The following FAT3 variants were observed in gnomAD, a reference collection of about 807,000 sequenced individuals.
FAT3 encodes FAT atypical cadherin 3, also known as protocadherin Fat 3.
FAT3 carries 95 observed loss-of-function variants against 310.2 expected under a neutral mutation model. The observed-to-expected ratio is 0.31, with a 90% confidence interval of 0.26 to 0.36. The LOEUF is 0.36. Ranked by LOEUF, FAT3 falls within the 10% of genes least tolerant of loss-of-function variation. FAT3 has a pLI of 1.00. For synonymous variants in FAT3, 2,314 were observed against 2,192.9 expected, an observed-to-expected ratio of 1.06 and a Z score of -1.54; for missense variants, 5,408 against 5,715.6, an observed-to-expected ratio of 0.95 and a Z score of 1.74.
At chr11:92,499,511 T>A (rs1302899440) in intron 2 of FAT3, among the ~76,000 whole-genome samples, 1 of 152,056 alleles carries the variant, frequency 6.6e-6, no homozygotes, top group African/African-American at 2.4e-5. Flanking sequence ...AGAACTACTT[T>A]GTAGGTGTTT....
Position 92,355,236 on chromosome 11 carries a change from T to C in FAT3, c.3124T>C (p.Tyr1042His). 6.2e-7 allele frequency: 1 copy of C among 1,613,818 alleles called. No homozygotes were observed. The highest frequency in any genetic ancestry group is 1.3e-5 in the African/African-American group (1 of 75,034). Residue 1042 changes from tyrosine to histidine, a missense_variant, in exon 2 of 28, where the codon TAT becomes CAT. Tyr to His is a moderately conservative substitution (Grantham distance 83). Coordinates refer to ENST00000525166, the MANE Select transcript of FAT3 (RefSeq NM_001367949.2). Reference protein sequence around the residue: ...VDVNENLHTPYFPDFAVVGSV... With the variant: ...VDVNENLHTPHFPDFAVVGSV... ...TGTCAATGAAAACCTCCACACTCCC[T>C]ATTTCCCAGACTTTGCTGTTGTTGG...
intron 1 of FAT3, among the ~76,000 whole-genome samples, chr11:92,316,943 A>G (rs1947479409): frequency 1.3e-5 from 2 of 152,192 alleles, no homozygotes; most frequent in African/African-American, 4.8e-5. Context: ...GGAATAACCA[A>G]TCATGGAACA....
chr11:92,745,676 C>T (rs950076769), intron 4 of FAT3, among the ~76,000 whole-genome samples: 5 of 151,260 alleles, frequency 3.3e-5, no homozygotes, highest in Admixed American at 2.6e-4. Flanking sequence ...GCTGTAATAT[C>T]AGCAGCTGCT....
At chr11:92,496,308 T>G (rs1952761386) in intron 2 of FAT3, among the ~76,000 whole-genome samples, 2 of 152,054 alleles carry the variant, frequency 1.3e-5, no homozygotes, top group Non-Finnish European at 2.9e-5. Flanking sequence ...TACAATATAG[T>G]GTCATAAACC....
intron 1 of FAT3, among the ~76,000 whole-genome samples, chr11:92,245,488 A>G (rs546601324): frequency 8.9e-4 from 135 of 152,256 alleles, no homozygotes; most frequent in Admixed American, 2.0e-3. Flanking sequence ...CTTAAAGTAT[A>G]ATAAAAAAGA....
At chr11:92,814,669 T>C (rs942862013) in intron 13 of FAT3, among the ~76,000 whole-genome samples, 9 of 152,148 alleles carry the variant, frequency 5.9e-5, no homozygotes, top group Admixed American at 1.3e-4. Context: ...TAATAACACA[T>C]GGACACAGGG....
intron 4 of FAT3, among the ~76,000 whole-genome samples, chr11:92,730,958 T>C (rs1158705562): frequency 2.0e-5 from 3 of 152,218 alleles, no homozygotes; most frequent in Non-Finnish European, 4.4e-5. Flanking sequence ...CCATGATAGC[T>C]GACCCTTCAT....
intron 4 of FAT3, among the ~76,000 whole-genome samples, chr11:92,744,885 T>G (rs1359560022): frequency 1.3e-5 from 2 of 152,238 alleles, no homozygotes; most frequent in African/African-American, 4.8e-5. Context: ...CTATTTAAAA[T>G]TCATATATTT....
intron 1 of FAT3, among the ~76,000 whole-genome samples, chr11:92,249,216 T>C (rs1367634058): frequency 2.0e-5 from 3 of 152,100 alleles, no homozygotes; most frequent in Admixed American, 2.0e-4. Context: ...ACAGACGTCA[T>C]TACCTCAGAT....
chr11:92,343,402 TACTTAG>T (rs1020745163), intron 1 of FAT3, among the ~76,000 whole-genome samples: 1 of 152,166 alleles, frequency 6.6e-6, no homozygotes, highest in Non-Finnish European at 1.5e-5. Flanking sequence ...TATAAAGCCA[TACTTAG>T]ACTTAGAGCT....
At chr11:92,433,385 G>T (rs1306600928) in intron 2 of FAT3, among the ~76,000 whole-genome samples, 2 of 152,170 alleles carry the variant, frequency 1.3e-5, no homozygotes, top group Non-Finnish European at 2.9e-5. Context: ...GGAACCTCCT[G>T]GTCTGCAGGT....
chr11:92,803,874 G>T (rs1184904324), intron 10 of FAT3, among the ~76,000 whole-genome samples: 1 of 152,168 alleles, frequency 6.6e-6, no homozygotes, highest in Non-Finnish European at 1.5e-5. Context: ...GGCTGATTTG[G>T]TTTCATTGTA....
At chr11:92,336,015 C>A (rs891771188) in intron 1 of FAT3, 4 of 477,048 alleles carry the variant, frequency 8.4e-6, no homozygotes, top group African/African-American at 5.9e-5. Flanking sequence ...GCTTCTTGAG[C>A]TCCACTCAGC....
intron 3 of FAT3, among the ~76,000 whole-genome samples, chr11:92,553,575 A>G (rs1014089622): frequency 3.9e-5 from 6 of 152,224 alleles, no homozygotes; most frequent in Non-Finnish European, 8.8e-5. Context: ...CAAAACAATG[A>G]AGGAACCTGG....
At position 92,690,821 on chromosome 11, in the gene FAT3, A is replaced by AGGT. The variant is rs769094521; in HGVS notation, c.3608-6561_3608-6560insTGG. Among the ~76,000 whole-genome samples the AGGT allele has an allele frequency of 3.9e-3, 589 of 152,288 alleles. 2 individuals carry two copies. The highest frequency in any genetic ancestry group is 6.6e-3 in the Non-Finnish European group (447 of 68,028). On this transcript the variant is annotated intron_variant, in intron 3 of 27. Coordinates refer to ENST00000525166, the MANE Select transcript of FAT3 (RefSeq NM_001367949.2). Reference sequence around the variant, plus strand: ...ATTTTAATGCTTCTTAATGGGCTGAAGGGAAAGAGGTGGAAATAGGGGTTC... The same window carrying AGGT: ...ATTTTAATGCTTCTTAATGGGCTGAAGGTGGGAAAGAGGTGGAAATAGGGGTTC...
At chr11:92,233,965 A>T (rs1462920043) in intron 1 of FAT3, among the ~76,000 whole-genome samples, 1 of 152,218 alleles carries the variant, frequency 6.6e-6, no homozygotes, top group Non-Finnish European at 1.5e-5. Context: ...TTTACCTCAT[A>T]TCCAAAGAGA....
At chr11:92,563,360 G>C (rs1955303198) in intron 3 of FAT3, among the ~76,000 whole-genome samples, 1 of 152,158 alleles carries the variant, frequency 6.6e-6, no homozygotes, top group Admixed American at 6.6e-5. Context: ...TTTTGATCAT[G>C]TACTCTTATA....
At chr11:92,270,685 T>A (rs1946100890) in intron 1 of FAT3, among the ~76,000 whole-genome samples, 1 of 151,928 alleles carries the variant, frequency 6.6e-6, no homozygotes. Context: ...AAACTTCACC[T>A]CAATAAATAA....
At chr11:92,293,612 A>G (rs1202380968) in intron 1 of FAT3, among the ~76,000 whole-genome samples, 2 of 147,760 alleles carry the variant, frequency 1.4e-5, no homozygotes, top group African/African-American at 5.0e-5. Context: ...TTAATATATT[A>G]GTGATCAGTT....
Sources: allele counts gnomAD v4.1 joint callset (sites outside exome capture counted in the v4.1 genomes callset), GRCh38; gene constraint gnomAD v4.1.1; transcripts MANE v1.5; gene names NCBI Gene and HGNC (gene_info 2026-07-23, HGNC 2026-07-21).